ARSG: variants seen among roughly 807,000 people sequenced by gnomAD.
The protein encoded by ARSG is ASG.
Under a neutral mutation model 50.5 loss-of-function variants are expected in ARSG, and 37 were observed. That is an observed-to-expected ratio of 0.73 (90% CI 0.56 to 0.96). The LOEUF is 0.96. Among genes scored for constraint, ARSG ranks in the 50% least tolerant of loss-of-function variants. The pLI is 0.00. For missense variants in ARSG, 629 were observed against 675.3 expected (o/e 0.93, Z 0.76); for synonymous variants, 225 against 254.6 (o/e 0.88, Z 1.11).
intron 3 of ARSG, among the ~76,000 whole-genome samples, chr17:68,344,643 C>G (rs939032584): frequency 1.3e-5 from 2 of 152,242 alleles, no homozygotes; most frequent in African/African-American, 4.8e-5. Flanking sequence ...CAGCCTTGCC[C>G]TGAGGCTCTG....
In ARSG at chr17:68,420,620, C is replaced by T. The variant is rs1568610368; in HGVS notation, c.*157C>T. ...CATATCCCTTCTGTATCCTGTCCCT[C>T]CTCCACGCCGACCCGAGAGCAGCTG... On this transcript the variant is annotated 3_prime_UTR_variant, in exon 12 of 12. Transcript: ENST00000621439. 1.2e-6 allele frequency: 1 copy of T among 864,290 alleles called. No individual in the cohort carries two copies. The highest frequency in any genetic ancestry group is 1.8e-6 in the Non-Finnish European group (1 of 566,470). The allele number at this position is 864,290 out of a possible 1,614,324, so 53.5% of individuals were successfully genotyped here. A position where few individuals can be genotyped will look rare whatever the true frequency, so the allele number is the denominator to read the frequency against.
At chr17:68,392,427 A>C (rs2081037773) in intron 9 of ARSG, among the ~76,000 whole-genome samples, 1 of 152,192 alleles carries the variant, frequency 6.6e-6, no homozygotes, top group South Asian at 2.1e-4. Flanking sequence ...GTGATGGACT[A>C]AGTGTGTGTT....
At chr17:68,280,054 C>T (rs2075642449) in intron 1 of ARSG, among the ~76,000 whole-genome samples, 1 of 151,786 alleles carries the variant, frequency 6.6e-6, no homozygotes, top group African/African-American at 2.4e-5. Context: ...TGGTGGCAGG[C>T]ACCTGTAATC....
chr17:68,352,512 CTTTTTT>C (rs368506056), intron 5 of ARSG, among the ~76,000 whole-genome samples: 1 of 139,770 alleles, frequency 7.2e-6, no homozygotes. Context: ...TTTTTTCTTT[CTTTTTT>C]TTTTTTTTTG....
chr17:68,291,331 G>T (rs1344589327), upstream of ARSG: 19 of 133,966 alleles, frequency 1.4e-4, no homozygotes, highest in African/African-American at 5.4e-4. Flanking sequence ...CCTGCGACCC[G>T]GGCCGTGCGT....
At chr17:68,346,519 A>G (rs2037496685) in intron 3 of ARSG, among the ~76,000 whole-genome samples, 1 of 152,176 alleles carries the variant, frequency 6.6e-6, no homozygotes, top group Non-Finnish European at 1.5e-5. Context: ...AGAGCAGATC[A>G]GAGAGTTCTG....
At chr17:68,272,856 T>G in intron 1 of ARSG, 1 of 1,544,182 alleles carries the variant, frequency 6.5e-7, no homozygotes, top group Non-Finnish European at 8.8e-7. Context: ...TTTTTGGTTT[T>G]GCTTTTTGAA....
chr17:68,297,999 T>G (rs1212058996), intron 1 of ARSG, among the ~76,000 whole-genome samples: 1 of 148,474 alleles, frequency 6.7e-6, no homozygotes, highest in African/African-American at 2.5e-5. Context: ...CCCTGATATC[T>G]AATTCCAGGC....
Position 68,266,500 on chromosome 17 carries a change from C to CA in ARSG, c.-552+7085dup, listed in dbSNP as rs544482452. Among the ~76,000 whole-genome samples the CA allele has an allele frequency of 1.1e-3, 102 of 96,838 alleles. 2 individuals are homozygous for CA. The South Asian group carries it at 0.027, about 26-fold the overall frequency. 63.5% of individuals were successfully genotyped at this position (96,838 alleles called of 152,430 possible). ...ACTTTTTTTTTGTATAAAAAGTATA[C>CA]AAAAAAAAAAAGACATAAAAAAGTT... On this transcript the variant is annotated intron_variant, in intron 1 of 11. Coordinates refer to the ARSG transcript ENST00000448504.
intron 1 of ARSG, among the ~76,000 whole-genome samples, chr17:68,305,172 T>G (rs2076561558): frequency 6.6e-6 from 1 of 151,944 alleles, no homozygotes; most frequent in Non-Finnish European, 1.5e-5. Flanking sequence ...AACTTGCAAA[T>G]TTAGGGCTTT....
At chr17:68,296,549 C>G (rs2076215812) in intron 1 of ARSG, among the ~76,000 whole-genome samples, 1 of 148,128 alleles carries the variant, frequency 6.8e-6, no homozygotes, top group Non-Finnish European at 1.5e-5. Context: ...AGGAGGGGCC[C>G]CGCCCTGCTG....
At chr17:68,428,021 G>T in the ARSG span, among the ~76,000 whole-genome samples, 6 of 152,042 alleles carry the variant, frequency 3.9e-5, no homozygotes, top group Admixed American at 2.0e-4. Context: ...CTCCCAAGTA[G>T]CTGGGACTAC....
At chr17:68,417,832 G>A (rs925388730) in intron 11 of ARSG, among the ~76,000 whole-genome samples, 1 of 131,362 alleles carries the variant, frequency 7.6e-6, no homozygotes, top group African/African-American at 2.8e-5. Flanking sequence ...CCAGGTTCAC[G>A]TGGTTCTCCT....
chr17:68,305,616 G>GA (rs1242467985), intron 1 of ARSG, among the ~76,000 whole-genome samples: 3 of 151,996 alleles, frequency 2.0e-5, no homozygotes, highest in Admixed American at 2.0e-4. Context: ...ACATTTCCAT[G>GA]AAAAAAATTT....
chr17:68,341,408 C>T (rs149213373), intron 2 of ARSG, among the ~76,000 whole-genome samples: 5 of 152,336 alleles, frequency 3.3e-5, no homozygotes, highest in Non-Finnish European at 5.9e-5. Context: ...CTGTTTCTCC[C>T]TCCCCTTGTG....
chr17:68,407,091 T>G (rs1469455454), intron 11 of ARSG, among the ~76,000 whole-genome samples: 1 of 152,230 alleles, frequency 6.6e-6, no homozygotes, highest in Non-Finnish European at 1.5e-5. Context: ...TACATGTGGC[T>G]AGCCAATTAT....
chr17:68,266,545 C>T (rs2075170683), intron 1 of ARSG, among the ~76,000 whole-genome samples: 1 of 149,492 alleles, frequency 6.7e-6, no homozygotes, highest in Admixed American at 6.7e-5. Context: ...CATGATGGCT[C>T]ACACCTGTAA....
At chr17:68,393,007 G>A (rs544004275) in intron 9 of ARSG, among the ~76,000 whole-genome samples, 4 of 152,240 alleles carry the variant, frequency 2.6e-5, no homozygotes, top group Non-Finnish European at 4.4e-5. Context: ...CAGGTAGAAC[G>A]CCTCAGTTCT....
At chr17:68,391,863 G>C (rs964108109) in intron 9 of ARSG, among the ~76,000 whole-genome samples, 2 of 152,180 alleles carry the variant, frequency 1.3e-5, no homozygotes, top group African/African-American at 4.8e-5. Flanking sequence ...CCAGCTCCAT[G>C]GACTGTGGGA....
Sources: allele counts gnomAD v4.1 joint callset (sites outside exome capture counted in the v4.1 genomes callset), GRCh38; gene constraint gnomAD v4.1.1; transcripts MANE v1.5; gene names NCBI Gene and HGNC (gene_info 2026-07-23, HGNC 2026-07-21).